DSCAML1: variants seen among roughly 807,000 people sequenced by gnomAD.
DSCAML1 encodes cell adhesion molecule DSCAML1.
In DSCAML1, 38 loss-of-function variants were observed where a neutral mutation model predicts 200.5. The observed-to-expected ratio is 0.19, with a 90% confidence interval of 0.15 to 0.25. The LOEUF is 0.25. Among genes scored for constraint, DSCAML1 ranks in the 10% least tolerant of loss-of-function variants. The pLI, the probability that DSCAML1 is intolerant of heterozygous loss-of-function variation, is 1.00. For synonymous variants in DSCAML1, 1,215 were observed against 1,165.0 expected (o/e 1.04, Z -0.87); for missense variants, 2,223 against 2,858.8 (o/e 0.78, Z 5.07).
intron 3 of DSCAML1, among the ~76,000 whole-genome samples, chr11:117,665,422 G>A (rs750028381): frequency 2.6e-4 from 40 of 152,204 alleles, no homozygotes; most frequent in Non-Finnish European, 5.3e-4. Context: ...CAGAGTACGC[G>A]AGCTGTGGTC....
intron 11 of DSCAML1, among the ~76,000 whole-genome samples, chr11:117,490,552 C>A (rs1030035207): frequency 6.6e-6 from 1 of 152,228 alleles, no homozygotes; most frequent in African/African-American, 2.4e-5. Context: ...TAAGCTGGGG[C>A]AGGCCCGCTC....
intron 1 of DSCAML1, among the ~76,000 whole-genome samples, chr11:117,812,291 T>A (rs951812613): frequency 2.8e-4 from 43 of 152,056 alleles, no homozygotes; most frequent in Non-Finnish European, 4.3e-4. Flanking sequence ...AAAGGATTAA[T>A]GCCTGTTATC....
At chr11:117,763,907 G>C (rs1440339691) in intron 3 of DSCAML1, among the ~76,000 whole-genome samples, 1 of 152,130 alleles carries the variant, frequency 6.6e-6, no homozygotes, top group Non-Finnish European at 1.5e-5. Flanking sequence ...CCAGGACCCA[G>C]GGGGAGGTGC....
chr11:117,700,615 G>A (rs935240122), intron 3 of DSCAML1, among the ~76,000 whole-genome samples: 1 of 152,220 alleles, frequency 6.6e-6, no homozygotes. Context: ...CACCTTGATC[G>A]TGACAAGCTG....
intron 3 of DSCAML1, among the ~76,000 whole-genome samples, chr11:117,577,507 C>CTCCCTCCT (rs2050964475): frequency 6.2e-5 from 2 of 32,428 alleles, no homozygotes; most frequent in Non-Finnish European, 1.4e-4. Context: ...CCTTCCTTCC[C>CTCCCTCCT]TCCTTCCTTC....
At chr11:117,668,199 G>A (rs1168780855) in intron 3 of DSCAML1, among the ~76,000 whole-genome samples, 1 of 152,244 alleles carries the variant, frequency 6.6e-6, no homozygotes, top group Non-Finnish European at 1.5e-5. Flanking sequence ...TGAGACAGAT[G>A]TGGTCTCTGT....
intron 3 of DSCAML1, among the ~76,000 whole-genome samples, chr11:117,743,993 C>T (rs1255692829): frequency 6.6e-6 from 1 of 152,182 alleles, no homozygotes; most frequent in Non-Finnish European, 1.5e-5. Flanking sequence ...CTAAATACCA[C>T]CACTCAGCTC....
At chr11:117,625,241 CG>C (rs2052019123) in intron 3 of DSCAML1, among the ~76,000 whole-genome samples, 1 of 151,962 alleles carries the variant, frequency 6.6e-6, no homozygotes, top group Non-Finnish European at 1.5e-5. Context: ...ATTTCAGGCC[CG>C]GGGAAAGTAC....
At chr11:117,749,130 G>A (rs1056882359) in intron 3 of DSCAML1, among the ~76,000 whole-genome samples, 7 of 152,188 alleles carry the variant, frequency 4.6e-5, no homozygotes, top group Non-Finnish European at 8.8e-5. Context: ...AAAGGATGAG[G>A]CCCAGAACTA....
chr11:117,702,549 A>G (rs1187167330), intron 3 of DSCAML1, among the ~76,000 whole-genome samples: 1 of 152,002 alleles, frequency 6.6e-6, no homozygotes, highest in African/African-American at 2.4e-5. Flanking sequence ...AGCAATTCCC[A>G]TTCCACACTG....
rs1394899241 is a variant in DSCAML1 at position 117,505,081 on chromosome 11, AGTCTCTGATGG to A, written c.2063-49_2063-39del. The A allele has an allele frequency of 1.3e-6, 2 of 1,596,692 alleles. No homozygotes were observed. The highest frequency in any genetic ancestry group is 1.7e-6 in the Non-Finnish European group (2 of 1,168,642). ...GGAAGGTAGGGAAACAGACCATTTT[AGTCTCTGATGG>A]GTCTCCTAGGGCTTCGAGCACCTTC... On this transcript the variant is annotated intron_variant, in intron 9 of 32. Coordinates refer to ENST00000651296, the MANE Select transcript of DSCAML1 (RefSeq NM_020693.4). The surrounding 1 kb of genome is among the most constrained non-coding windows in gnomAD (Gnocchi z 6.7).
intron 3 of DSCAML1, among the ~76,000 whole-genome samples, chr11:117,540,717 A>G (rs537091355): frequency 4.2e-4 from 64 of 152,178 alleles, no homozygotes; most frequent in Middle Eastern, 6.8e-3. Flanking sequence ...GGGGAGGGAT[A>G]GCATTAGGAG....
chr11:117,534,282 G>A (rs2050129032), intron 3 of DSCAML1, among the ~76,000 whole-genome samples: 1 of 152,224 alleles, frequency 6.6e-6, no homozygotes, highest in African/African-American at 2.4e-5. Flanking sequence ...GGCACCTTCT[G>A]CCACTGGAGG....
intron 3 of DSCAML1, among the ~76,000 whole-genome samples, chr11:117,698,697 T>A (rs763948261): frequency 1.3e-5 from 2 of 152,260 alleles, no homozygotes; most frequent in Non-Finnish European, 2.9e-5. Context: ...CATCTTTTCA[T>A]GTGCTTATCG....
At chr11:117,766,120 G>A (rs2054893631) in intron 3 of DSCAML1, among the ~76,000 whole-genome samples, 1 of 152,208 alleles carries the variant, frequency 6.6e-6, no homozygotes, top group South Asian at 2.1e-4. Flanking sequence ...TATGCAGTGA[G>A]CCTTGTGGCA....
chr11:117,708,784 A>G (rs2053795365), intron 3 of DSCAML1, among the ~76,000 whole-genome samples: 1 of 152,296 alleles, frequency 6.6e-6, no homozygotes, highest in East Asian at 1.9e-4. Flanking sequence ...GCGTGGACCT[A>G]TGGCCAAACG....
chr11:117,450,250 G>A (rs1221233306), intron 20 of DSCAML1, among the ~76,000 whole-genome samples: 1 of 152,210 alleles, frequency 6.6e-6, no homozygotes, highest in Non-Finnish European at 1.5e-5. Flanking sequence ...CTGAGCCAGA[G>A]CAGAAGAGCC....
At chr11:117,796,268 GC>G (rs955098387) in intron 1 of DSCAML1, among the ~76,000 whole-genome samples, 7 of 152,220 alleles carry the variant, frequency 4.6e-5, no homozygotes, top group South Asian at 2.1e-4. Context: ...AGAGGGACAC[GC>G]CCCCCAGCCT....
intron 28 of DSCAML1, 35 bp from the exon 29 acceptor site, chr11:117,433,291 A>G (rs773822193): frequency 6.3e-7 from 1 of 1,587,254 alleles, no homozygotes; most frequent in Non-Finnish European, 8.6e-7. Context: ...GTGGCTCAGC[A>G]GCCATAAGGG....
Sources: gnomAD v4.1 joint callset for allele counts (sites outside exome capture counted in the v4.1 genomes callset) on GRCh38, gnomAD v4.1.1 for gene constraint, Gnocchi (gnomAD v3.1) non-coding constraint, MANE v1.5 for transcripts, NCBI Gene and HGNC (gene_info 2026-07-23, HGNC 2026-07-21) for gene names.